NRXN3: variants seen among roughly 807,000 people sequenced by gnomAD.
NRXN3 encodes neurexin 3, also known as neurexin III.
A neutral mutation model predicts 137.6 loss-of-function variants in NRXN3; 32 were observed. The ratio of observed to expected loss-of-function variants is 0.23; its 90% confidence interval spans 0.18 to 0.31. The LOEUF (loss-of-function observed/expected upper bound fraction) is 0.31. NRXN3 is among the 10% of genes least tolerant of loss of function. The pLI, the probability that NRXN3 is intolerant of heterozygous loss-of-function variation, is 1.00. For missense variants in NRXN3, 1,574 were observed against 2,062.5 expected (o/e 0.76, Z 4.59); for synonymous variants, 798 against 784.5 (o/e 1.02, Z -0.29).
chr14:79,564,604 A>C (rs969103181), intron 16 of NRXN3, among the ~76,000 whole-genome samples: 6 of 152,166 alleles, frequency 3.9e-5, no homozygotes, highest in African/African-American at 1.4e-4. Flanking sequence ...CAAATTGTGC[A>C]TTCTTGGAAT....
chr14:79,199,356 A>G (rs956168703), intron 15 of NRXN3, among the ~76,000 whole-genome samples: 3 of 152,140 alleles, frequency 2.0e-5, no homozygotes, highest in African/African-American at 7.2e-5. Context: ...AATAAAATCT[A>G]CTAGTCCTGT....
chr14:78,318,793 TCAAAC>T (rs2079000510), intron 4 of NRXN3, among the ~76,000 whole-genome samples: 1 of 152,176 alleles, frequency 6.6e-6, no homozygotes, highest in Non-Finnish European at 1.5e-5. Context: ...ATCAGGTTCT[TCAAAC>T]CAAATACCAT....
At chr14:78,746,359 C>G (rs1372873567) in intron 8 of NRXN3, among the ~76,000 whole-genome samples, 1 of 152,124 alleles carries the variant, frequency 6.6e-6, no homozygotes, top group Non-Finnish European at 1.5e-5. Flanking sequence ...CACACAGAGA[C>G]CTTTATGCTT....
At chr14:78,430,751 C>A (rs1305114900) in intron 4 of NRXN3, among the ~76,000 whole-genome samples, 1 of 152,210 alleles carries the variant, frequency 6.6e-6, no homozygotes, top group South Asian at 2.1e-4. Flanking sequence ...CTCTACTAAC[C>A]CATTTGGAAC....
intron 16 of NRXN3, among the ~76,000 whole-genome samples, chr14:79,503,162 G>T (rs1055051710): frequency 6.6e-6 from 1 of 151,776 alleles, no homozygotes; most frequent in African/African-American, 2.4e-5. Flanking sequence ...TTCCCTCTGT[G>T]TTTTATTATA....
intron 15 of NRXN3, among the ~76,000 whole-genome samples, chr14:79,058,084 G>A (rs1174667174): frequency 6.6e-6 from 1 of 152,042 alleles, no homozygotes; most frequent in South Asian, 2.1e-4. Context: ...TATGCCTGAT[G>A]CCTCTACATT....
intron 4 of NRXN3, among the ~76,000 whole-genome samples, chr14:78,331,023 A>G (rs930311470): frequency 1.3e-5 from 2 of 152,130 alleles, no homozygotes; most frequent in Admixed American, 1.3e-4. Flanking sequence ...TTTGTGTTTG[A>G]GCATGCAAAT....
chr14:79,348,851 T>C (rs1435071353), intron 15 of NRXN3, among the ~76,000 whole-genome samples: 4 of 152,176 alleles, frequency 2.6e-5, no homozygotes, highest in Non-Finnish European at 4.4e-5. Context: ...CTAGCTCCAC[T>C]ACGTAGTCCA....
At chr14:78,216,898 A>G (rs1401469573) in intron 1 of NRXN3, among the ~76,000 whole-genome samples, 2 of 151,648 alleles carry the variant, frequency 1.3e-5, no homozygotes, top group Non-Finnish European at 1.5e-5. Flanking sequence ...CCATCATCAC[A>G]TGGTTGTCTT....
chr14:78,698,748 A>C (rs935487022), intron 6 of NRXN3, among the ~76,000 whole-genome samples: 1 of 152,032 alleles, frequency 6.6e-6, no homozygotes, highest in Admixed American at 6.6e-5. Flanking sequence ...TGGGGTGCAG[A>C]ACTTTCCATA....
chr14:79,111,608 G>C (rs2053533631), intron 15 of NRXN3, among the ~76,000 whole-genome samples: 1 of 151,984 alleles, frequency 6.6e-6, no homozygotes, highest in African/African-American at 2.4e-5. Flanking sequence ...GCGTGGTGAT[G>C]CATGATATAG....
rs568447247 is a variant in NRXN3, at chr14:78,355,007, G to A, written c.757+57147G>A. On this transcript the variant is annotated intron_variant, in intron 4 of 20. Coordinates refer to ENST00000335750, the MANE Select transcript of NRXN3 (RefSeq NM_001330195.2). ...AACCAGGAGACCCTACCTTGAACCAGGTAAGAAGAAAGAGGCTGCAGCCCC... is the reference window on the plus strand; with the variant it reads ...AACCAGGAGACCCTACCTTGAACCAAGTAAGAAGAAAGAGGCTGCAGCCCC... 2.0e-5 allele frequency among the ~76,000 whole-genome samples: 3 copies of A among 152,260 alleles called. No individual in the cohort carries two copies. In the East Asian group the frequency reaches 5.8e-4, roughly 30 times the overall value.
intron 19 of NRXN3, among the ~76,000 whole-genome samples, chr14:79,774,868 A>G (rs2099091691): frequency 6.6e-6 from 1 of 152,124 alleles, no homozygotes; most frequent in Non-Finnish European, 1.5e-5. Context: ...AATTAGTGAA[A>G]TTCTGGAAGG....
chr14:79,742,647 A>C (rs2098966876), intron 19 of NRXN3, among the ~76,000 whole-genome samples: 1 of 152,168 alleles, frequency 6.6e-6, no homozygotes, highest in South Asian at 2.1e-4. Flanking sequence ...TTTTGAAAAA[A>C]GGACTATTGC....
intron 16 of NRXN3, among the ~76,000 whole-genome samples, chr14:79,639,162 C>G (rs1490775698): frequency 1.3e-5 from 2 of 152,072 alleles, no homozygotes; most frequent in African/African-American, 4.8e-5. Flanking sequence ...ATTTGAAATG[C>G]TTACAGATAT....
chr14:78,421,728 T>C (rs1415703672), intron 4 of NRXN3, among the ~76,000 whole-genome samples: 1 of 152,150 alleles, frequency 6.6e-6, no homozygotes, highest in Non-Finnish European at 1.5e-5. Context: ...TCTCACTATA[T>C]TGCTCAGGCT....
intron 15 of NRXN3, among the ~76,000 whole-genome samples, chr14:79,102,921 T>C (rs1407659006): frequency 1.3e-5 from 2 of 152,198 alleles, no homozygotes; most frequent in East Asian, 3.9e-4. Context: ...TGTGAGTGCC[T>C]ACAATGGGCC....
At chr14:79,040,418 G>C (rs968624338) in intron 15 of NRXN3, among the ~76,000 whole-genome samples, 2 of 152,178 alleles carry the variant, frequency 1.3e-5, no homozygotes, top group African/African-American at 4.8e-5. Context: ...AGAAAAAGAT[G>C]GGTGAAGAAG....
At chr14:78,723,202 T>C (rs948584138) in intron 8 of NRXN3, among the ~76,000 whole-genome samples, 12 of 152,120 alleles carry the variant, frequency 7.9e-5, no homozygotes, top group African/African-American at 2.9e-4. Context: ...AGAAGATAAA[T>C]TGAATACAGA....
Sources: allele counts gnomAD v4.1 joint callset (sites outside exome capture counted in the v4.1 genomes callset), GRCh38; gene constraint gnomAD v4.1.1; transcripts MANE v1.5; gene names NCBI Gene and HGNC (gene_info 2026-07-23, HGNC 2026-07-21).